Variants in ZFHX3 observed in about 807,000 individuals in gnomAD.
The protein encoded by ZFHX3 is zinc finger homeobox 3, also known as zinc finger homeobox protein 3.
ZFHX3 carries 42 observed loss-of-function variants against 279.1 expected under a neutral mutation model. That is an observed-to-expected ratio of 0.15 (90% confidence interval 0.12 to 0.19). ZFHX3 has a LOEUF of 0.19. ZFHX3 is among the 10% of genes least tolerant of loss of function. The pLI, the probability that ZFHX3 is intolerant of heterozygous loss-of-function variation, is 1.00. For missense variants in ZFHX3, 4,981 were observed against 4,754.0 expected (o/e 1.05, Z -1.40); for synonymous variants, 2,293 against 1,957.8 (o/e 1.17, Z -4.52).
At chr16:72,873,150 G>T (rs1049899006) in intron 4 of ZFHX3, among the ~76,000 whole-genome samples, 1 of 152,116 alleles carries the variant, frequency 6.6e-6, no homozygotes, top group African/African-American at 2.4e-5. Context: ...TTCAATGGGC[G>T]TATTTTTCAC....
At position 73,239,995 on chromosome 16, in the gene ZFHX3, C is replaced by T. The variant is rs1255023382; in HGVS notation, c.-1104+17052G>A. Among the ~76,000 whole-genome samples, 55 of 150,622 alleles carry T rather than the reference C, an allele frequency of 3.7e-4. 1 individual carries two copies. The highest frequency in any genetic ancestry group is 3.6e-3 in the Admixed American group (55 of 15,100). Reference sequence around the variant, plus strand: ...TACAGAGCCTCGTTTTATGTGTGTTCCTGTTGAAGATTTAAGAACCTTATT... The same window carrying T: ...TACAGAGCCTCGTTTTATGTGTGTTTCTGTTGAAGATTTAAGAACCTTATT... On this transcript the variant is annotated intron_variant, in intron 5 of 17. Transcript: ENST00000641206.
intron 2 of ZFHX3, among the ~76,000 whole-genome samples, chr16:73,496,975 C>T (rs1180411614): frequency 6.6e-6 from 1 of 152,198 alleles, no homozygotes; most frequent in African/African-American, 2.4e-5. Context: ...CTCTGTCCCA[C>T]CATCTCCTCC....
At chr16:72,939,686 G>A (rs998655926) in intron 3 of ZFHX3, among the ~76,000 whole-genome samples, 32 of 152,220 alleles carry the variant, frequency 2.1e-4, no homozygotes, top group Non-Finnish European at 2.2e-4. Context: ...TCAGGAGTTC[G>A]AGACCAGCCT....
intron 3 of ZFHX3, among the ~76,000 whole-genome samples, chr16:73,340,920 A>G (rs2016019605): frequency 6.6e-6 from 1 of 152,238 alleles, no homozygotes; most frequent in Non-Finnish European, 1.5e-5. Flanking sequence ...TTGATTATAT[A>G]ACATTTAAAA....
rs1438659331 is a variant in ZFHX3 at position 72,966,155 on chromosome 16, T to G, written c.-49-5961A>C. Among the ~76,000 whole-genome samples the G allele has an allele frequency of 2.6e-5, 4 of 152,190 alleles. 1 individual carries two copies. Among genetic ancestry groups the G allele is most frequent in the Non-Finnish European group, 4.4e-5 (3 of 68,038 alleles). On this transcript the variant is annotated intron_variant, in intron 1 of 9. Coordinates refer to ENST00000268489, the MANE Select transcript of ZFHX3 (RefSeq NM_006885.4). ...TCTGTCTTGTCCCTATTTGGCTGAC[T>G]GAAATCAACAGCTTGAGGAACAAGA...
At chr16:73,146,865 C>G (rs1301242690) in intron 5 of ZFHX3, among the ~76,000 whole-genome samples, 1 of 152,140 alleles carries the variant, frequency 6.6e-6, no homozygotes, top group East Asian at 1.9e-4. Context: ...CCATGTTGCC[C>G]AGGCTGGTCT....
chr16:73,859,770 T>A (rs1321954073), intron 1 of ZFHX3, among the ~76,000 whole-genome samples: 1 of 152,224 alleles, frequency 6.6e-6, no homozygotes, highest in Non-Finnish European at 1.5e-5. Context: ...GACTGCTTCA[T>A]ATATTAATAA....
intron 3 of ZFHX3, among the ~76,000 whole-genome samples, chr16:72,936,863 G>A (rs908450169): frequency 6.6e-6 from 1 of 152,162 alleles, no homozygotes; most frequent in Non-Finnish European, 1.5e-5. Flanking sequence ...AAGGGCAAGA[G>A]TAGAGGCGGG....
intron 4 of ZFHX3, 88 bp from the exon 5 acceptor site, chr16:72,829,947 A>G: frequency 2.2e-6 from 3 of 1,353,366 alleles, no homozygotes; most frequent in African/African-American, 2.9e-5. Context: ...TGCCAACGAC[A>G]GAACAGACAC....
At chr16:73,288,994 A>G (rs2014703371) in intron 4 of ZFHX3, among the ~76,000 whole-genome samples, 1 of 146,822 alleles carries the variant, frequency 6.8e-6, no homozygotes, top group African/African-American at 2.5e-5. Flanking sequence ...GCTGTTAATA[A>G]CGACTTTGTG....
chr16:73,267,745 G>A (rs1458178975), intron 4 of ZFHX3, among the ~76,000 whole-genome samples: 1 of 152,168 alleles, frequency 6.6e-6, no homozygotes, highest in East Asian at 1.9e-4. Flanking sequence ...GGCTAGACCA[G>A]TTTATCCCAG....
chr16:73,816,423 CT>C (rs1436914382), intron 1 of ZFHX3, among the ~76,000 whole-genome samples: 1 of 152,130 alleles, frequency 6.6e-6, no homozygotes, highest in East Asian at 1.9e-4. Flanking sequence ...AGACTACCCC[CT>C]ATCTTTATAA....
At chr16:73,660,521 C>T (rs1235666228) in intron 2 of ZFHX3, among the ~76,000 whole-genome samples, 3 of 152,128 alleles carry the variant, frequency 2.0e-5, no homozygotes, top group Non-Finnish European at 4.4e-5. Context: ...TGTTAATCTG[C>T]ATTTCTGTGG....
At chr16:73,529,486 AG>A (rs1398033214) in intron 2 of ZFHX3, among the ~76,000 whole-genome samples, 4 of 152,216 alleles carry the variant, frequency 2.6e-5, no homozygotes, top group Non-Finnish European at 5.9e-5. Flanking sequence ...GGTTACTGGC[AG>A]GTCCCCGGCA....
chr16:72,810,184 T>A (rs2036399516), intron 7 of ZFHX3, among the ~76,000 whole-genome samples: 1 of 146,084 alleles, frequency 6.8e-6, no homozygotes, highest in Admixed American at 6.9e-5. Context: ...GTGCCCAGCC[T>A]TTTTTTTCTT....
chr16:73,603,281 T>A (rs540375773), intron 2 of ZFHX3, among the ~76,000 whole-genome samples: 1 of 138,382 alleles, frequency 7.2e-6, no homozygotes, highest in Admixed American at 7.5e-5. Flanking sequence ...CGAGACTCCA[T>A]CTCAAAAAAA....
intron 1 of ZFHX3, among the ~76,000 whole-genome samples, chr16:73,723,741 C>A (rs1164657717): frequency 6.6e-6 from 1 of 152,058 alleles, no homozygotes; most frequent in East Asian, 1.9e-4. Context: ...GTTATATGAC[C>A]CATGAAACAA....
intron 2 of ZFHX3, among the ~76,000 whole-genome samples, chr16:73,616,772 G>A (rs1316879275): frequency 6.6e-6 from 1 of 152,152 alleles, no homozygotes; most frequent in East Asian, 1.9e-4. Flanking sequence ...ATATTATGAA[G>A]AAGCTTAGTT....
intron 5 of ZFHX3, among the ~76,000 whole-genome samples, chr16:73,163,918 T>G (rs1010301764): frequency 1.3e-5 from 2 of 152,246 alleles, no homozygotes; most frequent in African/African-American, 4.8e-5. Flanking sequence ...ACTTTCACTC[T>G]CTTTCTTGCT....
Sources: gnomAD v4.1 joint callset for allele counts (sites outside exome capture counted in the v4.1 genomes callset) on GRCh38, gnomAD v4.1.1 for gene constraint, MANE v1.5 for transcripts, NCBI Gene and HGNC (gene_info 2026-07-23, HGNC 2026-07-21) for gene names.